ARHGEF28: variants seen among roughly 807,000 people sequenced by gnomAD.
The protein encoded by ARHGEF28 is 190 kDa guanine nucleotide exchange factor.
ARHGEF28 carries 152 observed loss-of-function variants against 206.6 expected under a neutral mutation model. The observed-to-expected ratio is 0.74, with a 90% CI of 0.64 to 0.84. ARHGEF28 has a LOEUF of 0.84. Among genes scored for constraint, ARHGEF28 ranks in the 40% least tolerant of loss-of-function variants. The probability of loss-of-function intolerance (pLI) is 0.00; values close to 1 mark genes in which losing one functional copy is unlikely to be tolerated. For missense variants in ARHGEF28, 2,028 were observed against 2,073.2 expected, an observed-to-expected ratio of 0.98 and a Z score of 0.42; for synonymous variants, 763 against 776.4, an observed-to-expected ratio of 0.98 and a Z score of 0.29.
At position 73,774,187 on chromosome 5, in the gene ARHGEF28, A is replaced by C. The variant is rs973191420; in HGVS notation, c.659+149A>C. 1.9e-5 allele frequency: 12 copies of C among 635,448 alleles called. No individual in the cohort carries two copies. The African/African-American group carries it at 2.1e-4, about 11-fold the overall frequency. 39.4% of individuals were successfully genotyped at this position (635,448 alleles called of 1,614,324 possible). A position where few individuals can be genotyped will look rare whatever the true frequency, so the allele number is the denominator to read the frequency against. ...ATATATATAGATCATATAAACAGAT[A>C]TACTGGGATAATTGGTATTAATGTT... On this transcript the variant is annotated intron_variant, in intron 5 of 35. Transcript: ENST00000513042.
intron 2 of ARHGEF28, among the ~76,000 whole-genome samples, chr5:73,690,065 A>T (rs78422331): frequency 6.6e-6 from 1 of 151,032 alleles, no homozygotes; most frequent in Non-Finnish European, 1.5e-5. Context: ...TTTTAAATTA[A>T]TTATTTTAAG....
intron 2 of ARHGEF28, among the ~76,000 whole-genome samples, chr5:73,726,014 G>A (rs73762178): frequency 0.017 from 2,641 of 152,274 alleles, 75 homozygotes; most frequent in African/African-American, 0.06. Flanking sequence ...AGCAGTCAAG[G>A]TGACTGACTT....
chr5:73,781,684 C>A (rs1341672625), intron 7 of ARHGEF28, among the ~76,000 whole-genome samples: 1 of 152,154 alleles, frequency 6.6e-6, no homozygotes, highest in Non-Finnish European at 1.5e-5. Flanking sequence ...TTGCAAAAAT[C>A]TAACCACATT....
In ARHGEF28 at chr5:73,706,107, TG is replaced by T. The variant is rs1320396593; in HGVS notation, c.33+21226del. ...GAAGGGGCTTGCATTTTCACACCCT[TG>T]GGCCACACTCCTTCAGGCAGCCTTC... On this transcript the variant is annotated intron_variant, in intron 2 of 35. Coordinates refer to ENST00000513042, the MANE Select transcript of ARHGEF28 (RefSeq NM_001177693.2). Among the ~76,000 whole-genome samples the T allele has an allele frequency of 9.7e-4, 147 of 152,174 alleles. 1 individual carries two copies. Among genetic ancestry groups the T allele is most frequent in the Non-Finnish European group, 1.4e-3 (93 of 68,028 alleles).
chr5:73,733,687 G>A (rs1750736782), intron 2 of ARHGEF28, among the ~76,000 whole-genome samples: 1 of 152,054 alleles, frequency 6.6e-6, no homozygotes, highest in Non-Finnish European at 1.5e-5. Flanking sequence ...ATCATCATTT[G>A]ACAACTATTA....
intron 2 of ARHGEF28, among the ~76,000 whole-genome samples, chr5:73,723,344 C>T (rs373432100): frequency 4.6e-5 from 7 of 152,126 alleles, no homozygotes; most frequent in South Asian, 2.1e-4. Flanking sequence ...CGTGCCACCA[C>T]GCCCAGCTAA....
At chr5:73,925,094 T>C (rs1162163336) in intron 35 of ARHGEF28, among the ~76,000 whole-genome samples, 1 of 152,108 alleles carries the variant, frequency 6.6e-6, no homozygotes, top group Non-Finnish European at 1.5e-5. Flanking sequence ...CCCAGGCCAG[T>C]TTTTGGTCCC....
At chr5:73,850,380 T>C (rs534826760) in intron 13 of ARHGEF28, among the ~76,000 whole-genome samples, 1 of 152,134 alleles carries the variant, frequency 6.6e-6, no homozygotes, top group African/African-American at 2.4e-5. Context: ...ACAACTACCT[T>C]GAGAGGGCAG....
chr5:73,846,248 T>G lies in ARHGEF28; in HGVS notation c.1428-20T>G. On this transcript the variant is annotated intron_variant, in intron 11 of 35. Transcript: ENST00000513042. ...TGTCCTTCCTTGCTTCTTTACTTAC[T>G]TGCTGGCTTTGTGCTTTAGTTCTAG... The G allele has an allele frequency of 6.2e-7, 1 of 1,610,218 alleles. No individual in the cohort carries two copies. Among genetic ancestry groups the G allele is most frequent in the Non-Finnish European group, 8.5e-7 (1 of 1,177,928 alleles).
At chr5:73,828,798 T>C (rs1289183254) in intron 9 of ARHGEF28, among the ~76,000 whole-genome samples, 1 of 151,812 alleles carries the variant, frequency 6.6e-6, no homozygotes, top group Non-Finnish European at 1.5e-5. Context: ...CCTTTCTTCC[T>C]TCCTTTCCTT....
At chr5:73,755,870 A>G (rs11749777) in intron 4 of ARHGEF28, among the ~76,000 whole-genome samples, 34,681 of 152,146 alleles carry the variant, frequency 0.23, 4,097 homozygotes, top group Non-Finnish European at 0.25. Context: ...CCATATTTTT[A>G]TAACAGACAG....
In ARHGEF28 at chr5:73,858,144, G is replaced by A; in HGVS notation, c.1972G>A (p.Gly658Arg). ...EKLNRHQFAP[G>R]TFSGVLQCLV... ...GCTGAATCGACATCAGTTTGCCCCAGGAACATTCTCTGGGGTTCTGCAGTG... is the reference window on the plus strand; with the variant it reads ...GCTGAATCGACATCAGTTTGCCCCAAGAACATTCTCTGGGGTTCTGCAGTG... The change falls in exon 16 of 36, where the codon GGA becomes AGA. Residue 658 changes from glycine to arginine, a missense_variant. Coordinates refer to ENST00000513042, the MANE Select transcript of ARHGEF28 (RefSeq NM_001177693.2). 1 of 1,612,266 alleles carries A rather than the reference G, an allele frequency of 6.2e-7. No homozygotes were observed. Among genetic ancestry groups the A allele is most frequent in the Non-Finnish European group, 8.5e-7 (1 of 1,179,366 alleles).
chr5:73,928,559 T>C (rs190097681), intron 35 of ARHGEF28, among the ~76,000 whole-genome samples: 30 of 152,334 alleles, frequency 2.0e-4, no homozygotes, highest in Admixed American at 1.4e-3. Flanking sequence ...CCTTCTTCTC[T>C]GGCTCAAAGA....
At chr5:73,673,875 C>A (rs1392548204) in intron 1 of ARHGEF28, among the ~76,000 whole-genome samples, 1 of 151,906 alleles carries the variant, frequency 6.6e-6, no homozygotes, top group Non-Finnish European at 1.5e-5. Context: ...TAAAGTCATG[C>A]AATTAAGACA....
At chr5:73,743,821 A>C (rs1330379577) in intron 2 of ARHGEF28, among the ~76,000 whole-genome samples, 2 of 152,152 alleles carry the variant, frequency 1.3e-5, no homozygotes, top group African/African-American at 4.8e-5. Flanking sequence ...CTATCTGTAG[A>C]TTTCAGGATG....
chr5:73,742,199 A>G (rs1470234266), intron 2 of ARHGEF28, among the ~76,000 whole-genome samples: 1 of 152,056 alleles, frequency 6.6e-6, no homozygotes, highest in Non-Finnish European at 1.5e-5. Flanking sequence ...TTTTTAAAGT[A>G]TGTCTCTTGT....
chr5:73,663,971 G>A (rs530222123), intron 1 of ARHGEF28, among the ~76,000 whole-genome samples: 2 of 152,322 alleles, frequency 1.3e-5, no homozygotes, highest in East Asian at 3.9e-4. Context: ...TTTCACCAGT[G>A]AAACCATTTG....
intron 9 of ARHGEF28, among the ~76,000 whole-genome samples, chr5:73,803,128 A>G (rs978425243): frequency 2.0e-5 from 3 of 152,210 alleles, no homozygotes; most frequent in African/African-American, 7.2e-5. Context: ...AAGAAAGCCA[A>G]CAGAATTTAT....
intron 10 of ARHGEF28, 67 bp from the exon 11 acceptor site, chr5:73,840,413 T>A: frequency 6.6e-7 from 1 of 1,509,850 alleles, no homozygotes; most frequent in Non-Finnish European, 9.0e-7. Flanking sequence ...GGGAAAATTT[T>A]ATTAATTCTT....
Sources: gnomAD v4.1 joint callset for allele counts (sites outside exome capture counted in the v4.1 genomes callset) on GRCh38, gnomAD v4.1.1 for gene constraint, MANE v1.5 for transcripts, NCBI Gene and HGNC (gene_info 2026-07-23, HGNC 2026-07-21) for gene names.